The following CSMD1 variants were observed in gnomAD, a reference collection of about 807,000 sequenced individuals.
CSMD1 encodes the protein CUB and sushi domain-containing protein 1.
In CSMD1, 213 loss-of-function variants were observed where a neutral mutation model predicts 417.5. The observed-to-expected ratio is 0.51, with a 90% CI of 0.46 to 0.57. The LOEUF is 0.57. Among genes scored for constraint, CSMD1 ranks in the 20% least tolerant of loss-of-function variants. The pLI, the probability that CSMD1 is intolerant of heterozygous loss-of-function variation, is 0.00. For missense variants in CSMD1, 6,923 were observed against 4,529.7 expected (o/e 1.53, Z -15.17); for synonymous variants, 2,862 against 1,736.8 (o/e 1.65, Z -16.11).
intron 28 of CSMD1, among the ~76,000 whole-genome samples, chr8:3,220,907 T>C (rs1798170043): frequency 1.3e-5 from 2 of 152,198 alleles, no homozygotes; most frequent in East Asian, 1.9e-4. Flanking sequence ...TCTTCTTCTC[T>C]ATAGCAGGTT....
chr8:3,814,120 G>A (rs979930269), intron 5 of CSMD1, among the ~76,000 whole-genome samples: 1 of 152,164 alleles, frequency 6.6e-6, no homozygotes, highest in African/African-American at 2.4e-5. Context: ...CATGTTCTTT[G>A]CAATAACGTA....
intron 11 of CSMD1, among the ~76,000 whole-genome samples, chr8:3,483,601 A>G (rs558533328): frequency 1.5e-3 from 231 of 152,276 alleles, no homozygotes; most frequent in Middle Eastern, 3.4e-3. Context: ...ATAACAAAAG[A>G]GAAAATATTT....
At chr8:4,705,488 T>A (rs996019903) in intron 1 of CSMD1, among the ~76,000 whole-genome samples, 9 of 152,180 alleles carry the variant, frequency 5.9e-5, no homozygotes, top group Non-Finnish European at 1.2e-4. Context: ...ACAATTGCAA[T>A]TATCCTCTCC....
chr8:4,548,480 C>T (rs1330715956), intron 2 of CSMD1, among the ~76,000 whole-genome samples: 1 of 151,990 alleles, frequency 6.6e-6, no homozygotes, highest in Non-Finnish European at 1.5e-5. Context: ...TCATATAAAG[C>T]AAGACATAAG....
At chr8:3,838,381 C>A (rs149142850) in intron 5 of CSMD1, among the ~76,000 whole-genome samples, 1 of 145,368 alleles carries the variant, frequency 6.9e-6, no homozygotes, top group Non-Finnish European at 1.5e-5. Flanking sequence ...ACTATATATA[C>A]GCACTATATA....
chr8:4,230,791 A>G (rs999345434), intron 3 of CSMD1, among the ~76,000 whole-genome samples: 1 of 151,988 alleles, frequency 6.6e-6, no homozygotes, highest in African/African-American at 2.4e-5. Flanking sequence ...AGTAATTTTT[A>G]CCTCTCATAC....
chr8:3,613,637 C>A (rs1170466105), intron 8 of CSMD1, among the ~76,000 whole-genome samples: 1 of 150,094 alleles, frequency 6.7e-6, no homozygotes, highest in East Asian at 1.9e-4. Flanking sequence ...AATATACAAA[C>A]AAAAAATGGT....
At chr8:4,159,358 T>A (rs1432055997) in intron 3 of CSMD1, among the ~76,000 whole-genome samples, 1 of 152,208 alleles carries the variant, frequency 6.6e-6, no homozygotes, top group East Asian at 1.9e-4. Context: ...TATTTTTATT[T>A]GTGATTCAGT....
At chr8:3,619,132 T>C (rs1467993618) in intron 7 of CSMD1, among the ~76,000 whole-genome samples, 2 of 152,016 alleles carry the variant, frequency 1.3e-5, no homozygotes, top group African/African-American at 4.8e-5. Flanking sequence ...AAGGTCCCAA[T>C]GAGAAGATGA....
In CSMD1 at chr8:4,381,952, C is replaced by T. The variant is rs1194027076; in HGVS notation, c.415+38001G>A. 2.0e-5 allele frequency among the ~76,000 whole-genome samples: 3 copies of T among 152,172 alleles called. No homozygotes were observed. The East Asian group carries it at 5.8e-4, about 29-fold the overall frequency. On this transcript the variant is annotated intron_variant, in intron 3 of 69. Coordinates refer to ENST00000635120, the MANE Select transcript of CSMD1 (RefSeq NM_033225.6). ...ACAAATTTAAGTATGTGTAGAATAA[C>T]TGCACTAAGTGGACACTCTCTGTGG...
At chr8:4,540,615 T>G (rs558980569) in intron 2 of CSMD1, among the ~76,000 whole-genome samples, 2 of 152,112 alleles carry the variant, frequency 1.3e-5, no homozygotes, top group South Asian at 4.2e-4. Flanking sequence ...GAAGTGAAAA[T>G]AAACCTTGAG....
At chr8:3,038,248 T>C (rs1278766778) in intron 50 of CSMD1, among the ~76,000 whole-genome samples, 1 of 152,232 alleles carries the variant, frequency 6.6e-6, no homozygotes, top group East Asian at 1.9e-4. Flanking sequence ...AAATAGGCCT[T>C]TGAAGTTTTG....
intron 3 of CSMD1, among the ~76,000 whole-genome samples, chr8:4,257,729 C>T (rs1233342066): frequency 1.3e-5 from 2 of 152,190 alleles, no homozygotes; most frequent in Non-Finnish European, 2.9e-5. Flanking sequence ...AAATACCTCT[C>T]TGCTTCCGCT....
At chr8:3,746,616 CTGAT>C (rs1472217646) in intron 6 of CSMD1, among the ~76,000 whole-genome samples, 1 of 152,172 alleles carries the variant, frequency 6.6e-6, no homozygotes, top group Non-Finnish European at 1.5e-5. Context: ...TTTAACATCT[CTGAT>C]GAATAATATT....
In CSMD1 at chr8:3,712,430, CAGACAGACAGACAGAG is replaced by C. The variant is rs1334679094; in HGVS notation, c.932-3955_932-3940del. ...ACAGACAGACAGACAGACAGACAGA[CAGACAGACAGACAGAG>C]AGAGAGAGAAACTAGAGCTGCAGGA... is the stretch of plus-strand genomic sequence containing the variant. On this transcript the variant is annotated intron_variant, in intron 6 of 69. Transcript: ENST00000635120. Among the ~76,000 whole-genome samples the C allele has an allele frequency of 5.0e-4, 63 of 125,802 alleles. 1 individual carries two copies. Among genetic ancestry groups the C allele is most frequent in the East Asian group, 3.5e-3 (15 of 4,292 alleles). The allele number at this position is 125,802 out of a possible 152,430, so 82.5% of individuals were successfully genotyped here.
chr8:3,613,180 C>A (rs1286252445), intron 8 of CSMD1: 2 of 191,264 alleles, frequency 1.0e-5, no homozygotes, highest in South Asian at 7.1e-5. Context: ...TTTATAATTT[C>A]TTGAAAGATA....
chr8:4,557,806 T>C (rs1227229684), intron 2 of CSMD1, among the ~76,000 whole-genome samples: 1 of 152,232 alleles, frequency 6.6e-6, no homozygotes, highest in Non-Finnish European at 1.5e-5. Flanking sequence ...AGGTTAGATT[T>C]CTTTTCATTT....
At chr8:4,159,947 TG>T (rs1402882069) in intron 3 of CSMD1, among the ~76,000 whole-genome samples, 1 of 151,440 alleles carries the variant, frequency 6.6e-6, no homozygotes. Context: ...GGGGAAAGGG[TG>T]GGAGGGGGTG....
chr8:4,969,121 G>A (rs1055532139), intron 1 of CSMD1, among the ~76,000 whole-genome samples: 4 of 152,086 alleles, frequency 2.6e-5, no homozygotes, highest in Non-Finnish European at 4.4e-5. Flanking sequence ...TTTGCAGGAC[G>A]AATGGATATG....
Sources: allele counts gnomAD v4.1 joint callset (sites outside exome capture counted in the v4.1 genomes callset), GRCh38; gene constraint gnomAD v4.1.1; transcripts MANE v1.5; gene names NCBI Gene and HGNC (gene_info 2026-07-23, HGNC 2026-07-21).